The following SFXN5 variants were observed in gnomAD, a reference collection of about 807,000 sequenced individuals.
SFXN5 encodes sideroflexin-5.
SFXN5 carries 43 observed loss-of-function variants against 50.2 expected under a neutral mutation model. The observed-to-expected ratio is 0.86, with a 90% CI of 0.67 to 1.11. The LOEUF (loss-of-function observed/expected upper bound fraction) is 1.11, where lower values mean the gene tolerates loss of function less well. Among genes scored for constraint, SFXN5 ranks in the 50% least tolerant of loss-of-function variants. The pLI is 0.00. For missense variants in SFXN5, 463 were observed against 454.1 expected, an observed-to-expected ratio of 1.02 and a Z score of -0.18; for synonymous variants, 203 against 185.8, an observed-to-expected ratio of 1.09 and a Z score of -0.75.
intron 10 of SFXN5, among the ~76,000 whole-genome samples, chr2:72,982,333 C>T (rs916999891): frequency 1.3e-5 from 2 of 152,146 alleles, no homozygotes; most frequent in African/African-American, 2.4e-5. Context: ...AAAATGTAAA[C>T]AAGAAAACAG....
At chr2:72,993,455 T>A (rs965075207) in intron 9 of SFXN5, among the ~76,000 whole-genome samples, 12 of 152,190 alleles carry the variant, frequency 7.9e-5, no homozygotes, top group Non-Finnish European at 1.6e-4. Context: ...GCTTGTTTGC[T>A]GGCAACAGTG....
intron 1 of SFXN5, 23 bp downstream of exon 1, chr2:73,071,581 G>A (rs993136038): frequency 2.5e-6 from 4 of 1,606,902 alleles, no homozygotes; most frequent in Non-Finnish European, 3.4e-6. Context: ...CCGCCGGCCC[G>A]CAGACCACAG....
chr2:73,066,558 CAA>C (rs533064344), intron 1 of SFXN5, among the ~76,000 whole-genome samples: 1 of 119,302 alleles, frequency 8.4e-6, no homozygotes, highest in African/African-American at 3.2e-5. Context: ...ACTCTGTCTC[CAA>C]AAAAAAAAAA....
rs181321218 is a variant in SFXN5, at chr2:73,028,355, C to T, written c.250-5141G>A. 3.3e-3 allele frequency among the ~76,000 whole-genome samples: 496 copies of T among 152,316 alleles called. 5 individuals carry two copies. Among genetic ancestry groups the T allele is most frequent in the African/African-American group, 0.011 (472 of 41,570 alleles). On this transcript the variant is annotated intron_variant, in intron 3 of 13. Transcript: ENST00000272433. The stretch of plus-strand genomic sequence containing the variant: ...TCCTGCCTCCCACTGCCTCAGCCAC[C>T]GCCATGAAATGAGTTCTTGGCCACC...
Position 72,986,768 on chromosome 2 carries a change from T to A in SFXN5, c.625+1490A>T, listed in dbSNP as rs377239127. On this transcript the variant is annotated intron_variant, in intron 10 of 13. Transcript: ENST00000272433. The stretch of plus-strand genomic sequence containing the variant: ...AAGGGCCAAGCAGAGTTTTGTGGCA[T>A]CTCCAGGGCCCCAGCCTGGGGCATC... 3.5e-4 allele frequency among the ~76,000 whole-genome samples: 54 copies of A among 152,242 alleles called. No homozygotes were observed. The South Asian group carries it at 0.011, about 30-fold the overall frequency.
intron 6 of SFXN5, among the ~76,000 whole-genome samples, chr2:73,002,774 A>AT (rs1028973573): frequency 3.3e-5 from 5 of 152,092 alleles, no homozygotes; most frequent in African/African-American, 7.2e-5. Flanking sequence ...GAATTATGAG[A>AT]TTTTTCCCCC....
intron 2 of SFXN5, among the ~76,000 whole-genome samples, chr2:73,043,760 A>G (rs1679948699): frequency 6.6e-6 from 1 of 152,232 alleles, no homozygotes; most frequent in Admixed American, 6.5e-5. Context: ...AGAACAAAAA[A>G]TGGAAAAGTA....
intron 3 of SFXN5, 52 bp downstream of exon 3, chr2:73,040,802 T>C: frequency 6.8e-7 from 1 of 1,463,162 alleles, no homozygotes; most frequent in Admixed American, 1.9e-5. Context: ...TGTGAATTTC[T>C]CACTTTCCTT....
intron 6 of SFXN5, among the ~76,000 whole-genome samples, chr2:73,008,661 G>A (rs1675078047): frequency 1.3e-5 from 2 of 152,190 alleles, no homozygotes; most frequent in African/African-American, 2.4e-5. Flanking sequence ...AAGCAACCAC[G>A]CTGGCGGGTT....
intron 12 of SFXN5, among the ~76,000 whole-genome samples, chr2:72,967,699 C>G (rs1299454536): frequency 6.6e-6 from 1 of 152,144 alleles, no homozygotes; most frequent in Non-Finnish European, 1.5e-5. Flanking sequence ...GGTCTCCTCA[C>G]TGTCAACTGA....
At chr2:73,041,331 A>G (rs1679597948) in intron 2 of SFXN5, among the ~76,000 whole-genome samples, 1 of 152,214 alleles carries the variant, frequency 6.6e-6, no homozygotes, top group African/African-American at 2.4e-5. Context: ...GGGTTACCTC[A>G]GGATAGGAGG....
chr2:72,978,436 C>A (rs1276627079), intron 10 of SFXN5, among the ~76,000 whole-genome samples: 1 of 151,948 alleles, frequency 6.6e-6, no homozygotes, highest in Non-Finnish European at 1.5e-5. Flanking sequence ...GCGCCCACCA[C>A]CATGCCCAGC....
chr2:72,944,897 C>G lies in SFXN5; in HGVS notation c.*125G>C. 1.2e-6 allele frequency: 1 copy of G among 802,508 alleles called. No homozygotes were observed. Among genetic ancestry groups the G allele is most frequent in the African/African-American group, 1.7e-5 (1 of 58,030 alleles). 49.7% of individuals were successfully genotyped at this position (802,508 alleles called of 1,614,324 possible). On this transcript the variant is annotated 3_prime_UTR_variant, in exon 14 of 14. Coordinates refer to ENST00000272433, the MANE Select transcript of SFXN5 (RefSeq NM_144579.3). ...CTCCCTCCACTGTAGGTTGAGCACT[C>G]TCCCAGGGGGCCCAGGACTGCTGGG... is the stretch of plus-strand genomic sequence containing the variant.
chr2:73,069,737 C>A (rs527784531), intron 1 of SFXN5, among the ~76,000 whole-genome samples: 1 of 151,978 alleles, frequency 6.6e-6, no homozygotes, highest in Non-Finnish European at 1.5e-5. Context: ...ATATAAGCCA[C>A]TAAGACGTAT....
chr2:72,964,185 G>A (rs904203999), intron 12 of SFXN5, among the ~76,000 whole-genome samples: 4 of 152,224 alleles, frequency 2.6e-5, no homozygotes, highest in Non-Finnish European at 5.9e-5. Context: ...TCATTGCTGT[G>A]CATTCCTTCA....
At chr2:72,991,656 C>T (rs1300339095) in intron 9 of SFXN5, among the ~76,000 whole-genome samples, 3 of 152,240 alleles carry the variant, frequency 2.0e-5, no homozygotes, top group African/African-American at 4.8e-5. Context: ...GTTAGGAGCC[C>T]GTCTGTTCTG....
chr2:73,054,193 G>A (rs1681783751), intron 2 of SFXN5, among the ~76,000 whole-genome samples: 1 of 152,134 alleles, frequency 6.6e-6, no homozygotes, highest in African/African-American at 2.4e-5. Flanking sequence ...AGGTAGTCCT[G>A]GAAACAATCC....
intron 12 of SFXN5, among the ~76,000 whole-genome samples, chr2:72,963,649 A>C (rs1057034899): frequency 6.6e-6 from 1 of 152,180 alleles, no homozygotes; most frequent in Non-Finnish European, 1.5e-5. Context: ...CCTGGAGCCC[A>C]GGGAGTAAAG....
At chr2:73,036,804 G>A (rs1329491247) in intron 3 of SFXN5, among the ~76,000 whole-genome samples, 2 of 152,182 alleles carry the variant, frequency 1.3e-5, no homozygotes, top group African/African-American at 4.8e-5. Flanking sequence ...GGACTGCTTC[G>A]GCCTGAGTAG....
Sources: allele counts gnomAD v4.1 joint callset (sites outside exome capture counted in the v4.1 genomes callset), GRCh38; gene constraint gnomAD v4.1.1; transcripts MANE v1.5; gene names NCBI Gene and HGNC (gene_info 2026-07-23, HGNC 2026-07-21).